Variants in OOEP observed in about 807,000 individuals in gnomAD.
OOEP encodes oocyte expressed protein.
OOEP carries 16 observed loss-of-function variants against 13.7 expected under a neutral mutation model. That is an observed-to-expected ratio of 1.16 (90% CI 0.79 to 1.77). The LOEUF is 1.77. Ranked by LOEUF, OOEP falls within the 40% of genes most tolerant of loss-of-function variation. OOEP has a pLI of 0.00. For synonymous variants in OOEP, 89 were observed against 77.1 expected (o/e 1.15, Z -0.81); for missense variants, 195 against 193.1 (o/e 1.01, Z -0.06).
intron 2 of OOEP, among the ~76,000 whole-genome samples, chr6:73,378,878 A>G (rs1250999956): frequency 1.3e-5 from 2 of 152,056 alleles, no homozygotes; most frequent in Admixed American, 1.3e-4. Flanking sequence ...CAGAAAAAAA[A>G]AAAAAATTAT....
intron 2 of OOEP, among the ~76,000 whole-genome samples, chr6:73,378,070 A>G (rs1400109611): frequency 6.6e-6 from 1 of 151,560 alleles, no homozygotes; most frequent in African/African-American, 2.4e-5. Flanking sequence ...CAGCCTGCAT[A>G]TATTATTGTT....
chr6:73,369,678 A>G lies in OOEP; in HGVS notation c.115T>C (p.Trp39Arg). The G allele has an allele frequency of 6.2e-7, 1 of 1,614,018 alleles. No individual in the cohort carries two copies. The highest frequency in any genetic ancestry group is 8.5e-7 in the Non-Finnish European group (1 of 1,179,868). Residue 39 changes from tryptophan (W) to arginine (R), a missense_variant, in exon 1 of 3, where the codon TGG (tryptophan) becomes CGG (arginine). By Grantham distance (101) the Trp-to-Arg change is moderately radical. Coordinates refer to ENST00000370359, the MANE Select transcript of OOEP (RefSeq NM_001080507.3). ...CTCAGTTCCTGCACCGGAAACCACC[A>G]GGGCCGGATGCGAATCTGTGGCGGC... ...LPPPQIRIRP[W>R]WFPVQELRDP... is the part of the protein sequence containing the mutation.
At chr6:73,390,735 C>T (rs562562149) in intron 2 of OOEP, among the ~76,000 whole-genome samples, 3 of 151,080 alleles carry the variant, frequency 2.0e-5, no homozygotes, top group East Asian at 3.9e-4. Flanking sequence ...CACCACCATG[C>T]CCAGCTAATT....
At chr6:73,376,335 C>G (rs1388609837) in intron 2 of OOEP, among the ~76,000 whole-genome samples, 2 of 121,876 alleles carry the variant, frequency 1.6e-5, no homozygotes, top group African/African-American at 6.8e-5. Context: ...CTGTTTTGGA[C>G]AAGGGGTTGT....
intron 2 of OOEP, among the ~76,000 whole-genome samples, chr6:73,387,887 G>A (rs1278787271): frequency 6.6e-6 from 1 of 152,184 alleles, no homozygotes; most frequent in Non-Finnish European, 1.5e-5. Flanking sequence ...TACTTATTCT[G>A]AGACAGGGTC....
At chr6:73,378,640 A>G (rs1048078231) in intron 2 of OOEP, among the ~76,000 whole-genome samples, 25 of 152,046 alleles carry the variant, frequency 1.6e-4, no homozygotes, top group African/African-American at 6.0e-4. Context: ...AGGCAAGTGG[A>G]TCCCTTGAGG....
chr6:73,388,769 G>A (rs1769307837), intron 2 of OOEP, among the ~76,000 whole-genome samples: 1 of 152,230 alleles, frequency 6.6e-6, no homozygotes, highest in South Asian at 2.1e-4. Flanking sequence ...TAAGTGCCCA[G>A]TATAAGATAT....
intron 2 of OOEP, among the ~76,000 whole-genome samples, chr6:73,385,615 T>A (rs1317539258): frequency 1.3e-5 from 2 of 149,446 alleles, no homozygotes; most frequent in Non-Finnish European, 3.0e-5. Flanking sequence ...TTTTTCGGAG[T>A]CTCACTCTAT....
At chr6:73,393,402 T>G (rs1343995871) in intron 2 of OOEP, among the ~76,000 whole-genome samples, 1 of 152,160 alleles carries the variant, frequency 6.6e-6, no homozygotes, top group African/African-American at 2.4e-5. Context: ...AAACTGAAAT[T>G]TGTTCAGATA....
chr6:73,382,850 C>CTTTTTTTTTTTTTTTTTTTTTTTTTTATT (rs765716551), intron 2 of OOEP, among the ~76,000 whole-genome samples: 1 of 102,266 alleles, frequency 9.8e-6, no homozygotes, highest in Non-Finnish European at 1.8e-5. Flanking sequence ...TGGTTTTTAA[C>CTTTTTTTTTTTTTTTTTTTTTTTTTTATT]TTTTTTTTTT....
chr6:73,377,643 T>G (rs926655525), intron 2 of OOEP, among the ~76,000 whole-genome samples: 1 of 152,132 alleles, frequency 6.6e-6, no homozygotes, highest in Non-Finnish European at 1.5e-5. Flanking sequence ...AGCAATATTT[T>G]TATGTATTTA....
At chr6:73,372,983 TA>T, upstream of OOEP, 8 of 760,252 alleles carry the variant, frequency 1.1e-5, no homozygotes. Flanking sequence ...AACGTGTTCA[TA>T]ACAGATTCAG....
At chr6:73,390,293 C>T (rs1444364260) in intron 2 of OOEP, among the ~76,000 whole-genome samples, 1 of 152,148 alleles carries the variant, frequency 6.6e-6, no homozygotes, top group Admixed American at 6.6e-5. Context: ...CCTTTTTAGA[C>T]TTTATCTTTT....
chr6:73,368,807 A>G lies in OOEP; in HGVS notation c.427T>C (p.Ser143Pro). 1 of 1,612,540 alleles carries G rather than the reference A, an allele frequency of 6.2e-7. No individual in the cohort carries two copies. The highest frequency in any genetic ancestry group is 2.2e-5 in the East Asian group (1 of 44,872). ...NLKAHASDPHSPQDPVA is the reference protein window; with the variant it reads ...NLKAHASDPHPPQDPVA ...TCTTAAGCAACAGGATCCTGGGGAG[A>G]GTGGGGGTCTGATGCATGGGCCTTC... The change falls in exon 3 of 3, where the codon TCT (serine) becomes CCT (proline). Residue 143 changes from serine (S) to proline (P), a missense_variant. By Grantham distance (74) the Ser-to-Pro change is moderately conservative (BLOSUM62 -1). Coordinates refer to ENST00000370359, the MANE Select transcript of OOEP (RefSeq NM_001080507.3).
rs764540093 is a variant in OOEP, at chr6:73,369,340, G to T, written c.236C>A (p.Ala79Asp). The part of the protein sequence containing the change: ...IIPEMEWTSQ[A>D]LLTVDIVDSG... ...GTCCACTATGTCCACTGTCAGCAGG[G>T]CCTGGCTCGTCCACTCCATTTCTGG... is the stretch of plus-strand genomic sequence containing the variant. Residue 79 changes from alanine to aspartate, a missense_variant, in exon 2 of 3, where the codon GCC becomes GAC. Physicochemically the swap from Ala to Asp is moderately radical, Grantham distance 126 (BLOSUM62 -2). Transcript: ENST00000370359. 1.8e-5 allele frequency: 29 copies of T among 1,613,682 alleles called. No homozygotes were observed. The highest frequency in any genetic ancestry group is 2.5e-5 in the Non-Finnish European group (29 of 1,179,850).
At chr6:73,390,633 A>G (rs905592592) in intron 2 of OOEP, among the ~76,000 whole-genome samples, 2 of 137,792 alleles carry the variant, frequency 1.5e-5, no homozygotes, top group African/African-American at 5.5e-5. Context: ...CTGGAGTGTG[A>G]TGGTGCGATC....
At chr6:73,395,112 G>C, upstream of OOEP, 1 of 1,614,054 alleles carries the variant, frequency 6.2e-7, no homozygotes, top group South Asian at 1.1e-5. Context: ...AGGAACTGCC[G>C]CTGTGTTTTG....
At chr6:73,372,612 T>C (rs1317097019), upstream of OOEP, among the ~76,000 whole-genome samples, 1 of 152,146 alleles carries the variant, frequency 6.6e-6, no homozygotes, top group Non-Finnish European at 1.5e-5. Context: ...AGAAAACCTT[T>C]TGGGAGCTCA....
At chr6:73,388,130 G>A (rs1769299591) in intron 2 of OOEP, among the ~76,000 whole-genome samples, 1 of 152,168 alleles carries the variant, frequency 6.6e-6, no homozygotes, top group South Asian at 2.1e-4. Flanking sequence ...GTCCGCCTCG[G>A]CCTCCCAAAG....
Sources: allele counts gnomAD v4.1 joint callset (sites outside exome capture counted in the v4.1 genomes callset), GRCh38; gene constraint gnomAD v4.1.1; transcripts MANE v1.5; gene names NCBI Gene and HGNC (gene_info 2026-07-23, HGNC 2026-07-21).